The following SOX6 variants were observed in gnomAD, a reference collection of about 807,000 sequenced individuals.
The protein encoded by SOX6 is SRY-box transcription factor 6, also known as transcription factor SOX-6.
In SOX6, 11 loss-of-function variants were observed where a neutral mutation model predicts 97.8. The ratio of observed to expected loss-of-function variants is 0.11; its 90% CI spans 0.07 to 0.19. The LOEUF is 0.19. SOX6 is among the 10% of genes least tolerant of loss of function. The probability of loss-of-function intolerance (pLI) is 1.00; values close to 1 mark genes in which losing one functional copy is unlikely to be tolerated. For synonymous variants in SOX6, 360 were observed against 371.4 expected, an observed-to-expected ratio of 0.97 and a Z score of 0.35; for missense variants, 810 against 1,039.5, an observed-to-expected ratio of 0.78 and a Z score of 3.04.
intron 3 of SOX6, among the ~76,000 whole-genome samples, chr11:16,288,841 T>G (rs1161093885): frequency 6.6e-6 from 1 of 151,980 alleles, no homozygotes; most frequent in Non-Finnish European, 1.5e-5. Flanking sequence ...ACAATCCTGA[T>G]TTGTCTCAAA....
intron 3 of SOX6, among the ~76,000 whole-genome samples, chr11:16,290,485 A>G (rs957060913): frequency 2.0e-5 from 3 of 152,126 alleles, no homozygotes; most frequent in South Asian, 2.1e-4. Context: ...TATAAATGAC[A>G]GAGTGTTCAA....
chr11:16,608,600 A>G (rs546138303), intron 4 of SOX6, among the ~76,000 whole-genome samples: 2 of 144,920 alleles, frequency 1.4e-5, no homozygotes, highest in South Asian at 2.2e-4. Context: ...GGAGGCGTTG[A>G]AAAAAAAAAA....
intron 4 of SOX6, among the ~76,000 whole-genome samples, chr11:16,482,388 A>G (rs2133125477): frequency 1.3e-5 from 2 of 152,274 alleles, no homozygotes; most frequent in Middle Eastern, 6.8e-3. Flanking sequence ...ACATTGACAT[A>G]TTTTATTATG....
chr11:16,253,439 A>T (rs998703600), intron 3 of SOX6, among the ~76,000 whole-genome samples: 10 of 152,168 alleles, frequency 6.6e-5, no homozygotes, highest in African/African-American at 1.2e-4. Flanking sequence ...CCAAATTTTT[A>T]AAATATATAA....
chr11:16,639,969 G>A (rs1299966099), intron 3 of SOX6, among the ~76,000 whole-genome samples: 3 of 152,108 alleles, frequency 2.0e-5, no homozygotes, highest in South Asian at 2.1e-4. Context: ...GGTGAGAGAG[G>A]GCATCCCTGT....
intron 3 of SOX6, among the ~76,000 whole-genome samples, chr11:16,683,145 A>T (rs1847941774): frequency 6.6e-6 from 1 of 152,220 alleles, no homozygotes; most frequent in Non-Finnish European, 1.5e-5. Context: ...ATATCGTGAA[A>T]ATGGCCATAC....
At chr11:16,509,348 C>A (rs1860840173) in intron 4 of SOX6, among the ~76,000 whole-genome samples, 1 of 151,822 alleles carries the variant, frequency 6.6e-6, no homozygotes, top group Non-Finnish European at 1.5e-5. Context: ...TTATACTATG[C>A]ACAGTTAATG....
intron 1 of SOX6, among the ~76,000 whole-genome samples, chr11:16,411,988 TG>T (rs1461938233): frequency 6.6e-6 from 1 of 152,198 alleles, no homozygotes; most frequent in African/African-American, 2.4e-5. Flanking sequence ...CTGTTGAACT[TG>T]TGTATCTAAT....
intron 3 of SOX6, among the ~76,000 whole-genome samples, chr11:16,242,176 T>C (rs909436509): frequency 6.6e-6 from 1 of 152,092 alleles, no homozygotes; most frequent in African/African-American, 2.4e-5. Flanking sequence ...AAACTCCACA[T>C]ACAATGGTAG....
intron 4 of SOX6, among the ~76,000 whole-genome samples, chr11:16,497,889 C>G (rs1860631911): frequency 6.6e-6 from 1 of 152,236 alleles, no homozygotes; most frequent in South Asian, 2.1e-4. Context: ...TTGGAAAACA[C>G]TCTGCAGGAT....
At chr11:16,357,772 CCAAA>C (rs1857111788), upstream of SOX6, among the ~76,000 whole-genome samples, 1 of 152,026 alleles carries the variant, frequency 6.6e-6, no homozygotes, top group African/African-American at 2.4e-5. Context: ...TTTAGACTAC[CCAAA>C]CAATTTATTT....
chr11:16,136,265 G>A (rs1307265242), intron 6 of SOX6, among the ~76,000 whole-genome samples: 3 of 151,432 alleles, frequency 2.0e-5, no homozygotes, highest in South Asian at 2.1e-4. Context: ...TCATCCACCC[G>A]CCTCGGCCTC....
intron 6 of SOX6, among the ~76,000 whole-genome samples, chr11:16,165,051 A>C (rs1274628431): frequency 6.6e-6 from 1 of 152,184 alleles, no homozygotes; most frequent in East Asian, 1.9e-4. Flanking sequence ...CAGTTCTTTA[A>C]AAATCTACTT....
At chr11:16,682,090 G>C (rs1016008777) in intron 3 of SOX6, among the ~76,000 whole-genome samples, 7 of 152,190 alleles carry the variant, frequency 4.6e-5, no homozygotes, top group African/African-American at 1.2e-4. Context: ...GAAAAAGAGG[G>C]AATGCTCCCT....
intron 12 of SOX6, among the ~76,000 whole-genome samples, chr11:16,039,763 A>ATC: frequency 6.6e-6 from 1 of 152,068 alleles, no homozygotes. Context: ...TTGATTTGTT[A>ATC]TTGTTATCTT....
intron 9 of SOX6, among the ~76,000 whole-genome samples, chr11:16,058,630 T>G (rs1411673458): frequency 6.6e-6 from 1 of 152,048 alleles, no homozygotes; most frequent in Non-Finnish European, 1.5e-5. Context: ...TGTCTTCAAA[T>G]TCTTGCCTTG....
intron 12 of SOX6, among the ~76,000 whole-genome samples, chr11:16,015,765 C>T (rs1854864966): frequency 6.6e-6 from 1 of 151,990 alleles, no homozygotes; most frequent in South Asian, 2.1e-4. Context: ...GGATCAGTAG[C>T]AGAGGGGCTC....
In SOX6 at chr11:15,994,758, A is replaced by C. The variant is rs1249470094; in HGVS notation, c.1733-5528T>G. Among the ~76,000 whole-genome samples the C allele has an allele frequency of 4.6e-5, 7 of 152,200 alleles. No homozygotes were observed. The East Asian group carries it at 1.3e-3, about 29-fold the overall frequency. On this transcript the variant is annotated intron_variant, in intron 13 of 15. Transcript: ENST00000683767. Reference sequence around the variant, plus strand: ...GATACATGCAAAATATTGGCGCAAAAGGTTCTATTATAAAATCAAATTCTG... The same window carrying C: ...GATACATGCAAAATATTGGCGCAAACGGTTCTATTATAAAATCAAATTCTG...
chr11:16,041,868 C>T (rs1269834982), intron 12 of SOX6, among the ~76,000 whole-genome samples: 1 of 152,084 alleles, frequency 6.6e-6, no homozygotes, highest in East Asian at 1.9e-4. Context: ...TCTAACTAGC[C>T]TTTTTTTCTC....
Sources: allele counts gnomAD v4.1 joint callset (sites outside exome capture counted in the v4.1 genomes callset), GRCh38; gene constraint gnomAD v4.1.1; transcripts MANE v1.5; gene names NCBI Gene and HGNC (gene_info 2026-07-23, HGNC 2026-07-21).